The following DEPDC5 variants were observed in gnomAD, a reference collection of about 807,000 sequenced individuals.
DEPDC5 encodes GATOR1 complex protein DEPDC5.
Under a neutral mutation model 217.3 loss-of-function variants are expected in DEPDC5, and 73 were observed. The observed-to-expected ratio is 0.34, with a 90% confidence interval of 0.28 to 0.41. The LOEUF is 0.41. DEPDC5 is among the 10% of genes least tolerant of loss of function. The pLI is 1.00. For missense variants in DEPDC5, 1,675 were observed against 2,070.1 expected (o/e 0.81, Z 3.70); for synonymous variants, 733 against 756.7 (o/e 0.97, Z 0.51).
In DEPDC5 at chr22:31,797,515, C is replaced by G. The variant is rs2086381924; in HGVS notation, c.768-85C>G. 2.7e-6 allele frequency: 3 copies of G among 1,119,464 alleles called. No individual in the cohort carries two copies. The South Asian group carries it at 3.8e-5, about 14-fold the overall frequency. The allele number at this position is 1,119,464 out of a possible 1,614,324, so 69.3% of individuals were successfully genotyped here. A position where few individuals can be genotyped will look rare whatever the true frequency, so the allele number is the denominator to read the frequency against. On this transcript the variant is annotated intron_variant, in intron 12 of 42. Transcript: ENST00000651528. ...TTCCTCCCTCGACACATGGGTATTA[C>G]AATTTGAGATGAAATTTGGGAGGGG...
rs963469689 is a variant in DEPDC5 at position 31,901,795 on chromosome 22, G to A, written c.4429G>A (p.Ala1477Thr). The A allele has an allele frequency of 6.2e-7, 1 of 1,613,426 alleles. No homozygotes were observed. Among genetic ancestry groups the A allele is most frequent in the Non-Finnish European group, 8.5e-7 (1 of 1,179,642 alleles). ...DRMHLFQEAI[A>T]HRFGFVQDKY... ...AATGCACCTCTTCCAGGAAGCCATT[G>A]CACACAGGTTTGTCCCTTAGCAAGT... The change falls in exon 41 of 43, where the codon GCA becomes ACA. Residue 1477 changes from alanine to threonine, a missense_variant. Transcript: ENST00000651528.
intron 12 of DEPDC5, among the ~76,000 whole-genome samples, chr22:31,797,076 A>G (rs962268516): frequency 2.7e-5 from 4 of 145,876 alleles, no homozygotes; most frequent in African/African-American, 1.0e-4. Flanking sequence ...TTTTTTTGAG[A>G]CAGAGTCTTG....
intron 18 of DEPDC5, among the ~76,000 whole-genome samples, chr22:31,809,134 T>G (rs2087935223): frequency 6.6e-6 from 1 of 152,154 alleles, no homozygotes; most frequent in African/African-American, 2.4e-5. Context: ...TCTATTAGTT[T>G]TTTTTCCTCT....
chr22:31,842,595 GAAAC>G (rs2091465089), intron 27 of DEPDC5, among the ~76,000 whole-genome samples: 1 of 128,340 alleles, frequency 7.8e-6, no homozygotes, highest in African/African-American at 2.9e-5. Flanking sequence ...AAAAAAAAAA[GAAAC>G]AACATGAGCA....
At chr22:31,780,296 G>T (rs894548607) in intron 8 of DEPDC5, among the ~76,000 whole-genome samples, 1 of 152,206 alleles carries the variant, frequency 6.6e-6, no homozygotes, top group Non-Finnish European at 1.5e-5. Context: ...GATGTGAGGA[G>T]TGAAGGAAAG....
chr22:31,778,981 C>G (rs1432696803), intron 8 of DEPDC5, among the ~76,000 whole-genome samples: 1 of 152,080 alleles, frequency 6.6e-6, no homozygotes, highest in Admixed American at 6.6e-5. Context: ...GAGCAGGCCT[C>G]CAGAGCAAAG....
chr22:31,835,385 G>C (rs747929237), intron 25 of DEPDC5, among the ~76,000 whole-genome samples: 6 of 152,188 alleles, frequency 3.9e-5, no homozygotes, highest in Non-Finnish European at 7.3e-5. Flanking sequence ...AGAACCAGAA[G>C]ATACTGGGGT....
chr22:31,767,628 C>T (rs1484293234), intron 6 of DEPDC5, among the ~76,000 whole-genome samples: 1 of 151,452 alleles, frequency 6.6e-6, no homozygotes, highest in Non-Finnish European at 1.5e-5. Context: ...GTGGGGGTTT[C>T]ACCATGTTGG....
At chr22:31,773,075 C>G (rs1014929499) in intron 7 of DEPDC5, among the ~76,000 whole-genome samples, 3 of 152,176 alleles carry the variant, frequency 2.0e-5, no homozygotes, top group African/African-American at 7.2e-5. Context: ...AGTCACCACG[C>G]CTGGCTGATC....
chr22:31,840,492 A>T (rs1056145536), intron 27 of DEPDC5, among the ~76,000 whole-genome samples: 1 of 152,126 alleles, frequency 6.6e-6, no homozygotes, highest in Non-Finnish European at 1.5e-5. Flanking sequence ...AATAAGATGA[A>T]TTCACCTTTC....
intron 34 of DEPDC5, among the ~76,000 whole-genome samples, chr22:31,872,195 A>T (rs973691478): frequency 6.6e-6 from 1 of 152,188 alleles, no homozygotes; most frequent in Non-Finnish European, 1.5e-5. Context: ...TTAAGGGACC[A>T]TCACACCTTT....
At chr22:31,866,638 C>T (rs912073903) in intron 33 of DEPDC5, among the ~76,000 whole-genome samples, 1 of 152,114 alleles carries the variant, frequency 6.6e-6, no homozygotes. Context: ...CCCACCTCGG[C>T]CTCCCAAAGT....
intron 39 of DEPDC5, 65 bp downstream of exon 39, chr22:31,893,816 A>G: frequency 7.0e-6 from 10 of 1,421,826 alleles, no homozygotes; most frequent in Non-Finnish European, 9.3e-6. Context: ...GAGATGCTTG[A>G]TAGAGATTCA....
chr22:31,799,950 G>A (rs1253941697), intron 14 of DEPDC5, among the ~76,000 whole-genome samples: 3 of 151,248 alleles, frequency 2.0e-5, no homozygotes, highest in Non-Finnish European at 4.4e-5. Flanking sequence ...TCACAGGCAC[G>A]TGCCACCACA....
In DEPDC5 at chr22:31,766,608, A is replaced by C; in HGVS notation, c.303A>C (p.Glu101Asp). The change falls in exon 6 of 43, where the codon GAA (glutamate) becomes GAC (aspartate). Residue 101 changes from glutamate (E) to aspartate (D), a missense_variant. This residue lies in a region of DEPDC5 where 628 missense variants were observed against 762.1 expected (regional missense o/e 0.82). Transcript: ENST00000651528. ...DPKDVTLDLV[E>D]LTFKDQYIGR... is the part of the protein sequence containing the mutation. ...AGGATGTGACCCTTGACCTAGTGGA[A>C]TTAACTTTTAAGGATCAGTATATTG... 4 of 1,613,994 alleles carry C rather than the reference A, an allele frequency of 2.5e-6. No homozygotes were observed. Among genetic ancestry groups the C allele is most frequent in the Non-Finnish European group, 3.4e-6 (4 of 1,179,962 alleles).
chr22:31,797,795 C>A, intron 13 of DEPDC5, 92 bp downstream of exon 13: 1 of 962,378 alleles, frequency 1.0e-6, no homozygotes, highest in Non-Finnish European at 1.6e-6. Flanking sequence ...TGTTTCTCTC[C>A]CATTGCCGTG....
In DEPDC5 at chr22:31,816,019, G is replaced by A. The variant is rs1267688281; in HGVS notation, c.1666+807G>A. 9.1e-6 allele frequency: 9 copies of A among 985,592 alleles called. No homozygotes were observed. The Admixed American group carries it at 1.8e-4, about 20-fold the overall frequency. The allele number at this position is 985,592 out of a possible 1,614,324, so 61.1% of individuals were successfully genotyped here. A position where few individuals can be genotyped will look rare whatever the true frequency, so the allele number is the denominator to read the frequency against. Reference sequence around the variant, plus strand: ...TTGCATTTTAGTTTCTCATTTACCGGTCGGGCGCAGTGGCTCACACCTGTA... The same window carrying A: ...TTGCATTTTAGTTTCTCATTTACCGATCGGGCGCAGTGGCTCACACCTGTA... On this transcript the variant is annotated intron_variant, in intron 21 of 42. Coordinates refer to ENST00000651528, the MANE Select transcript of DEPDC5 (RefSeq NM_001242896.3).
chr22:31,818,550 A>G (rs1412713061), intron 21 of DEPDC5, among the ~76,000 whole-genome samples: 2 of 152,248 alleles, frequency 1.3e-5, no homozygotes, highest in African/African-American at 4.8e-5. Context: ...GGGTCTGGGA[A>G]CTATAGTCTT....
At chr22:31,810,432 A>G in intron 19 of DEPDC5, 89 bp from the exon 20 acceptor site, 1 of 1,578,922 alleles carries the variant, frequency 6.3e-7, no homozygotes, top group Non-Finnish European at 8.6e-7. Context: ...ATGTATTTGG[A>G]TGACAATTTA....
Sources: allele counts gnomAD v4.1 joint callset (sites outside exome capture counted in the v4.1 genomes callset), GRCh38; gene constraint gnomAD v4.1.1; regional missense constraint gnomAD v4.1.1; transcripts MANE v1.5; gene names NCBI Gene and HGNC (gene_info 2026-07-23, HGNC 2026-07-21).